The following ADGRL2 variants were observed in gnomAD, a reference collection of about 807,000 sequenced individuals.
ADGRL2 encodes the protein adhesion G protein-coupled receptor L2, also known as calcium-independent alpha-latrotoxin receptor 2.
Under a neutral mutation model 157.4 loss-of-function variants are expected in ADGRL2, and 44 were observed. The ratio of observed to expected loss-of-function variants is 0.28; its 90% CI spans 0.22 to 0.36. The LOEUF is 0.36. ADGRL2 is among the 10% of genes least tolerant of loss of function. The probability of loss-of-function intolerance (pLI) is 1.00; values close to 1 mark genes in which losing one functional copy is unlikely to be tolerated. For synonymous variants in ADGRL2, 585 were observed against 624.7 expected, an observed-to-expected ratio of 0.94 and a Z score of 0.95; for missense variants, 1,510 against 1,768.9, an observed-to-expected ratio of 0.85 and a Z score of 2.63.
chr1:81,431,724 T>G (rs2077324959), intron 1 of ADGRL2, among the ~76,000 whole-genome samples: 1 of 152,242 alleles, frequency 6.6e-6, no homozygotes. Flanking sequence ...TGCCTGTTCT[T>G]TTTTGTAGGA....
intron 2 of ADGRL2, among the ~76,000 whole-genome samples, chr1:81,555,303 T>C (rs888393360): frequency 1.3e-5 from 2 of 150,634 alleles, no homozygotes; most frequent in African/African-American, 2.5e-5. Flanking sequence ...GTTTTATTCT[T>C]ATTGCCCAGG....
chr1:81,757,300 A>G (rs2085725658), intron 1 of ADGRL2, among the ~76,000 whole-genome samples: 3 of 152,176 alleles, frequency 2.0e-5, no homozygotes, highest in Admixed American at 1.3e-4. Context: ...AATAGTAAAA[A>G]TAAAAGTGTT....
chr1:81,702,953 G>A (rs527708161), intron 1 of ADGRL2, among the ~76,000 whole-genome samples: 1 of 152,280 alleles, frequency 6.6e-6, no homozygotes. Context: ...AAGTTTTCAG[G>A]AAACCTGAGA....
chr1:81,588,759 GT>G (rs1213943961), intron 3 of ADGRL2, among the ~76,000 whole-genome samples: 1 of 152,126 alleles, frequency 6.6e-6, no homozygotes, highest in East Asian at 1.9e-4. Context: ...ATTGCTCCCT[GT>G]CTCTAACATG....
intron 2 of ADGRL2, among the ~76,000 whole-genome samples, chr1:81,532,942 T>TTCTATCTATCTATCTATCTATCTATCA (rs2079637228): frequency 6.7e-6 from 1 of 150,122 alleles, no homozygotes; most frequent in African/African-American, 2.5e-5. Flanking sequence ...CAACAAAAAA[T>TTCTATCTATCTATCTATCTATCTATCA]TCTATCTATC....
intron 2 of ADGRL2, among the ~76,000 whole-genome samples, chr1:81,763,681 G>C (rs985596877): frequency 6.6e-6 from 1 of 151,552 alleles, no homozygotes; most frequent in African/African-American, 2.4e-5. Flanking sequence ...TCAGGAGTTC[G>C]AGACCAGCCT....
chr1:81,486,909 GACT>G (rs2078515723), intron 2 of ADGRL2, among the ~76,000 whole-genome samples: 1 of 152,024 alleles, frequency 6.6e-6, no homozygotes, highest in South Asian at 2.1e-4. Flanking sequence ...GAAGTGATGA[GACT>G]ACCAGACGGA....
chr1:81,713,976 G>C (rs2084023394), intron 1 of ADGRL2, among the ~76,000 whole-genome samples: 1 of 152,210 alleles, frequency 6.6e-6, no homozygotes, highest in Non-Finnish European at 1.5e-5. Context: ...CATGGCAGAA[G>C]GTGAAGGAGG....
intron 1 of ADGRL2, among the ~76,000 whole-genome samples, chr1:81,344,071 A>C (rs1662282681): frequency 6.6e-6 from 1 of 151,990 alleles, no homozygotes; most frequent in Admixed American, 6.6e-5. Context: ...TACAAAGAAA[A>C]AAAAATTTTT....
At chr1:81,502,434 G>A in intron 2 of ADGRL2, 1 of 1,614,100 alleles carries the variant, frequency 6.2e-7, no homozygotes, top group Non-Finnish European at 8.5e-7. Context: ...GATCCTGAAA[G>A]GAAAGAGTTC....
At chr1:81,696,593 A>C (rs759277306), upstream of ADGRL2, among the ~76,000 whole-genome samples, 1 of 152,094 alleles carries the variant, frequency 6.6e-6, no homozygotes, top group Non-Finnish European at 1.5e-5. Context: ...GCTACTAAAA[A>C]TACAAAAAAT....
intron 3 of ADGRL2, among the ~76,000 whole-genome samples, chr1:81,583,951 G>A (rs145918346): frequency 2.8e-4 from 42 of 152,204 alleles, no homozygotes; most frequent in African/African-American, 8.7e-4. Flanking sequence ...ATATTAATAC[G>A]TTGGGGTTTA....
At chr1:81,521,338 T>C (rs2079309680) in intron 2 of ADGRL2, among the ~76,000 whole-genome samples, 1 of 152,116 alleles carries the variant, frequency 6.6e-6, no homozygotes, top group Admixed American at 6.6e-5. Flanking sequence ...AAAAGAAAAA[T>C]GCTTTTAATA....
intron 2 of ADGRL2, among the ~76,000 whole-genome samples, chr1:81,485,736 G>A (rs542489796): frequency 1.3e-4 from 20 of 152,144 alleles, no homozygotes; most frequent in African/African-American, 4.6e-4. Context: ...CTGCTTATAA[G>A]ATAAGTAAAC....
At chr1:81,737,711 T>C (rs541475632) in intron 1 of ADGRL2, among the ~76,000 whole-genome samples, 1 of 152,214 alleles carries the variant, frequency 6.6e-6, no homozygotes, top group Non-Finnish European at 1.5e-5. Context: ...GCCTACAGAA[T>C]TGTCAGTATC....
chr1:81,758,375 T>G (rs2085760947), intron 1 of ADGRL2, among the ~76,000 whole-genome samples: 1 of 152,092 alleles, frequency 6.6e-6, no homozygotes, highest in African/African-American at 2.4e-5. Flanking sequence ...TCACCTCTAC[T>G]CACTCCCTGG....
Position 81,395,730 on chromosome 1 carries a change from G to A in ADGRL2, c.-301-49306G>A, listed in dbSNP as rs139748538. 1.2e-3 allele frequency among the ~76,000 whole-genome samples: 177 copies of A among 152,288 alleles called. 1 individual carries two copies. The highest frequency in any genetic ancestry group is 4.0e-3 in the African/African-American group (166 of 41,556). Reference sequence around the variant, plus strand: ...GAGTCAGCTTTTGTATACAGTGAAGGATGGGGGTCTAGTTTCATTCTTCTG... The same window carrying A: ...GAGTCAGCTTTTGTATACAGTGAAGAATGGGGGTCTAGTTTCATTCTTCTG... On this transcript the variant is annotated intron_variant, in intron 1 of 24. Coordinates refer to the ADGRL2 transcript ENST00000370721.
Position 81,986,977 on chromosome 1 carries a change from C to G in ADGRL2, c.3585C>G (p.Leu1195=), listed in dbSNP as rs747512742. 2.5e-6 allele frequency: 4 copies of G among 1,611,500 alleles called. No individual in the cohort carries two copies. The highest frequency in any genetic ancestry group is 3.4e-6 in the Non-Finnish European group (4 of 1,179,162). ...HGTNNPYNTL[L]AETVVCNAPS... is the part of the protein sequence containing the mutation. ...CTAACAACCCCTATAACACATTGCT[C>G]GCTGAAACAGTTGTATGTAATGCCC... The change falls in exon 22 of 24, where the codon CTC becomes CTG. Residue 1195 remains leucine, a synonymous_variant. Coordinates refer to ENST00000686636, the MANE Select transcript of ADGRL2 (RefSeq NM_001366006.2).
chr1:81,660,354 C>T (rs1329115312), intron 3 of ADGRL2, among the ~76,000 whole-genome samples: 3 of 152,012 alleles, frequency 2.0e-5, no homozygotes, highest in Non-Finnish European at 4.4e-5. Context: ...ATCTGCACTC[C>T]CTTTGTGACC....
Sources: allele counts gnomAD v4.1 joint callset (sites outside exome capture counted in the v4.1 genomes callset), GRCh38; gene constraint gnomAD v4.1.1; transcripts MANE v1.5; gene names NCBI Gene and HGNC (gene_info 2026-07-23, HGNC 2026-07-21).